SLC24A3: variants seen among roughly 807,000 people sequenced by gnomAD.
SLC24A3 encodes the protein solute carrier family 24 member 3, also known as sodium/potassium/calcium exchanger 3.
A neutral mutation model predicts 75.8 loss-of-function variants in SLC24A3; 28 were observed. The ratio of observed to expected loss-of-function variants is 0.37; its 90% CI spans 0.27 to 0.51. The LOEUF is 0.51. Ranked by LOEUF, SLC24A3 falls within the 20% of genes least tolerant of loss-of-function variation. The probability of loss-of-function intolerance (pLI) is 0.94; values close to 1 mark genes in which losing one functional copy is unlikely to be tolerated. For missense variants in SLC24A3, 663 were observed against 847.8 expected, an observed-to-expected ratio of 0.78 and a Z score of 2.71; for synonymous variants, 372 against 334.1, an observed-to-expected ratio of 1.11 and a Z score of -1.24.
intron 6 of SLC24A3, among the ~76,000 whole-genome samples, chr20:19,647,751 C>T (rs942565400): frequency 4.6e-5 from 7 of 152,126 alleles, no homozygotes; most frequent in Non-Finnish European, 7.4e-5. Context: ...TATGAGCATC[C>T]GTGGTTATTG....
Position 19,585,425 on chromosome 20 carries a change from G to A in SLC24A3, c.509-16G>A, listed in dbSNP as rs2031280874. ...AGGGCCACAACAGCCAGGCTGATGT[G>A]GGATCTGTGTTTCAGGGGTCTTCAT... On this transcript the variant is annotated splice_polypyrimidine_tract_variant and intron_variant, in intron 5 of 16. Coordinates refer to ENST00000328041, the MANE Select transcript of SLC24A3 (RefSeq NM_020689.4). The A allele has an allele frequency of 5.0e-6, 8 of 1,612,696 alleles. No homozygotes were observed. The highest frequency in any genetic ancestry group is 6.8e-6 in the Non-Finnish European group (8 of 1,179,104).
chr20:19,471,899 G>A (rs963792965), intron 2 of SLC24A3, among the ~76,000 whole-genome samples: 4 of 152,150 alleles, frequency 2.6e-5, no homozygotes, highest in South Asian at 2.1e-4. Context: ...TTTGAAAATC[G>A]AAAATATGAA....
intron 1 of SLC24A3, chr20:19,244,129 C>A (rs1460517690): frequency 6.6e-6 from 1 of 152,186 alleles, no homozygotes; most frequent in Non-Finnish European, 1.5e-5. Context: ...TCCTCTCATT[C>A]CATTGTCAAG....
intron 7 of SLC24A3, among the ~76,000 whole-genome samples, chr20:19,655,682 CTT>C (rs1434104807): frequency 7.2e-5 from 11 of 152,100 alleles, no homozygotes; most frequent in African/African-American, 2.4e-4. Flanking sequence ...TGAATTTGCC[CTT>C]TCTGTTTGAG....
chr20:19,436,072 C>G (rs1032556021), intron 2 of SLC24A3, among the ~76,000 whole-genome samples: 2 of 152,148 alleles, frequency 1.3e-5, no homozygotes, highest in African/African-American at 4.8e-5. Context: ...TAATAGCTAA[C>G]AGTTGTTGAG....
At chr20:19,621,374 T>C (rs2031802711) in intron 6 of SLC24A3, among the ~76,000 whole-genome samples, 1 of 152,176 alleles carries the variant, frequency 6.6e-6, no homozygotes, top group African/African-American at 2.4e-5. Flanking sequence ...TAGACCTAAC[T>C]TCCTCAGAAG....
At position 19,515,480 on chromosome 20, in the gene SLC24A3, T is replaced by A. The variant is rs2029967998; in HGVS notation, c.272-8T>A. ...GTGCTGAGACGGTTTTCTTTCTCTG[T>A]TCTTTAGCCCTGCATGAATTCCCCA... On this transcript the variant is annotated splice_region_variant and splice_polypyrimidine_tract_variant and intron_variant, in intron 2 of 16. Transcript: ENST00000328041. The A allele has an allele frequency of 6.2e-7, 1 of 1,614,158 alleles. No homozygotes were observed. Among genetic ancestry groups the A allele is most frequent in the Non-Finnish European group, 8.5e-7 (1 of 1,179,974 alleles).
At chr20:19,599,471 G>A (rs1004254048) in intron 6 of SLC24A3, among the ~76,000 whole-genome samples, 14 of 152,100 alleles carry the variant, frequency 9.2e-5, no homozygotes, top group Admixed American at 2.0e-4. Context: ...CGTGCATCTG[G>A]AGGACTGCGT....
chr20:19,308,657 C>T (rs1984384479), intron 2 of SLC24A3, among the ~76,000 whole-genome samples: 1 of 152,194 alleles, frequency 6.6e-6, no homozygotes, highest in Non-Finnish European at 1.5e-5. Context: ...TATCTGAAAT[C>T]AGTCATGTCA....
chr20:19,302,526 G>A (rs73284660), intron 2 of SLC24A3, among the ~76,000 whole-genome samples: 3,194 of 152,234 alleles, frequency 0.021, 43 homozygotes, highest in African/African-American at 0.034. Flanking sequence ...TTTATAAGAA[G>A]TAAAACATTG....
At chr20:19,311,960 G>T (rs1984469231) in intron 2 of SLC24A3, among the ~76,000 whole-genome samples, 1 of 151,990 alleles carries the variant, frequency 6.6e-6, no homozygotes, top group Non-Finnish European at 1.5e-5. Context: ...TTCCTCTGTT[G>T]TGGGTCATGA....
At chr20:19,552,934 C>T (rs1165796047) in intron 3 of SLC24A3, among the ~76,000 whole-genome samples, 1 of 152,088 alleles carries the variant, frequency 6.6e-6, no homozygotes, top group African/African-American at 2.4e-5. Context: ...GGAATTTGTC[C>T]TGTGCAGTGC....
At chr20:19,607,422 C>G (rs539118403) in intron 6 of SLC24A3, among the ~76,000 whole-genome samples, 1 of 152,228 alleles carries the variant, frequency 6.6e-6, no homozygotes, top group Admixed American at 6.5e-5. Flanking sequence ...CTCCCATCCT[C>G]ATGACTTAGT....
chr20:19,437,756 C>G (rs55719104), intron 2 of SLC24A3, among the ~76,000 whole-genome samples: 4,165 of 152,208 alleles, frequency 0.027, 165 homozygotes, highest in East Asian at 0.1. Flanking sequence ...AAGACAGCTG[C>G]TAGGGGTGCC....
intron 9 of SLC24A3, 55 bp downstream of exon 9, chr20:19,673,709 G>A (rs970905232): frequency 1.4e-6 from 2 of 1,442,934 alleles, no homozygotes. Context: ...TCCACATTAT[G>A]TGATGATGTG....
chr20:19,374,922 T>C (rs1362646013), intron 2 of SLC24A3, among the ~76,000 whole-genome samples: 2 of 152,192 alleles, frequency 1.3e-5, no homozygotes, highest in Non-Finnish European at 2.9e-5. Flanking sequence ...TGGGAGTTGG[T>C]GTATAAATAC....
intron 3 of SLC24A3, among the ~76,000 whole-genome samples, chr20:19,536,238 T>A (rs2030393758): frequency 6.6e-6 from 1 of 152,162 alleles, no homozygotes; most frequent in Non-Finnish European, 1.5e-5. Context: ...GCCCACCAAC[T>A]GAAGATGACT....
rs762305279 is a variant in SLC24A3 at position 19,621,659 on chromosome 20, A to T, written c.613-32403A>T. Among the ~76,000 whole-genome samples, 8 of 152,256 alleles carry T rather than the reference A, an allele frequency of 5.3e-5. No homozygotes were observed. The East Asian group carries it at 1.2e-3, about 22-fold the overall frequency. On this transcript the variant is annotated intron_variant, in intron 6 of 16. Transcript: ENST00000328041. ...GGGATCGGGTTAAAATGCAGATTCT[A>T]ATTTGAAAGGACTGGGATGGGGCCT...
chr20:19,631,797 T>A (rs1183396007), intron 6 of SLC24A3, among the ~76,000 whole-genome samples: 1 of 150,824 alleles, frequency 6.6e-6, no homozygotes, highest in East Asian at 1.9e-4. Context: ...TGAGAGTGTG[T>A]GTGTGTGTGT....
Sources: allele counts gnomAD v4.1 joint callset (sites outside exome capture counted in the v4.1 genomes callset), GRCh38; gene constraint gnomAD v4.1.1; transcripts MANE v1.5; gene names NCBI Gene and HGNC (gene_info 2026-07-23, HGNC 2026-07-21).